The following CCDC88A variants were observed in gnomAD, a reference collection of about 807,000 sequenced individuals.
The protein encoded by CCDC88A is girdin.
A neutral mutation model predicts 234.3 loss-of-function variants in CCDC88A; 54 were observed. That is an observed-to-expected ratio of 0.23 (90% CI 0.19 to 0.29). The LOEUF (loss-of-function observed/expected upper bound fraction) is 0.29, where lower values mean the gene tolerates loss of function less well. CCDC88A is among the 10% of genes least tolerant of loss of function. The pLI is 1.00. For missense variants in CCDC88A, 1,832 were observed against 2,123.4 expected (o/e 0.86, Z 2.70); for synonymous variants, 753 against 737.8 (o/e 1.02, Z -0.33).
At chr2:55,340,838 C>T (rs1470716909) in intron 12 of CCDC88A, among the ~76,000 whole-genome samples, 1 of 152,052 alleles carries the variant, frequency 6.6e-6, no homozygotes, top group East Asian at 1.9e-4. Flanking sequence ...CTAAGAGTAG[C>T]ATTATTGTTA....
At chr2:55,364,183 T>C (rs917054810) in intron 5 of CCDC88A, 150 bp from the exon 6 acceptor site, 3 of 468,698 alleles carry the variant, frequency 6.4e-6, no homozygotes, top group Non-Finnish European at 1.1e-5. Flanking sequence ...CATACTTACC[T>C]AATAAACAAC....
chr2:55,405,952 G>A (rs1009604484), intron 2 of CCDC88A: 1 of 152,178 alleles, frequency 6.6e-6, no homozygotes, highest in African/African-American at 2.4e-5. Context: ...GAGGTCAGGA[G>A]ATCAAGACCA....
chr2:55,355,807 A>G (rs1490156328), intron 7 of CCDC88A, 56 bp from the exon 8 acceptor site: 2 of 1,356,770 alleles, frequency 1.5e-6, no homozygotes, highest in Non-Finnish European at 2.1e-6. Context: ...AACTAAACAC[A>G]TCAACATGAT....
At chr2:55,373,140 T>A (rs1461723415) in intron 4 of CCDC88A, among the ~76,000 whole-genome samples, 1 of 152,172 alleles carries the variant, frequency 6.6e-6, no homozygotes, top group Non-Finnish European at 1.5e-5. Context: ...AATATTCAAC[T>A]GGAAAAAAAT....
At position 55,374,801 on chromosome 2, in the gene CCDC88A, T is replaced by G; in HGVS notation, c.343+13A>C. 1 of 1,553,870 alleles carries G rather than the reference T, an allele frequency of 6.4e-7. No homozygotes were observed. The highest frequency in any genetic ancestry group is 1.1e-5 in the South Asian group (1 of 88,890). Reference sequence around the variant, plus strand: ...GTTAGACATTACTTTCACAGCTTAATTTTAATACTTACCAGAAAAGGGATT... The same window carrying G: ...GTTAGACATTACTTTCACAGCTTAAGTTTAATACTTACCAGAAAAGGGATT... On this transcript the variant is annotated intron_variant, in intron 4 of 32. Transcript: ENST00000436346.
chr2:55,377,619 A>C (rs1489112535), intron 3 of CCDC88A, among the ~76,000 whole-genome samples: 1 of 151,724 alleles, frequency 6.6e-6, no homozygotes, highest in East Asian at 1.9e-4. Context: ...ATTTTTATTT[A>C]TTTATTTAGA....
At chr2:55,318,596 T>C (rs562499991) in intron 19 of CCDC88A, among the ~76,000 whole-genome samples, 1 of 152,290 alleles carries the variant, frequency 6.6e-6, no homozygotes, top group Non-Finnish European at 1.5e-5. Flanking sequence ...TTTTTTACAA[T>C]CGACTTAATG....
chr2:55,292,061 C>G (rs1484400081), intron 31 of CCDC88A: 2 of 244,712 alleles, frequency 8.2e-6, no homozygotes, highest in Non-Finnish European at 1.6e-5. Context: ...ACTAAATGGT[C>G]ACCTACAGTC....
At chr2:55,384,652 T>C (rs201459005) in intron 3 of CCDC88A, among the ~76,000 whole-genome samples, 1 of 2,612 alleles carries the variant, frequency 3.8e-4, no homozygotes, top group Non-Finnish European at 1.1e-3. Flanking sequence ...TATATATACA[T>C]ATATATATAT....
At chr2:55,370,515 T>C (rs913431519) in intron 5 of CCDC88A, among the ~76,000 whole-genome samples, 3 of 151,376 alleles carry the variant, frequency 2.0e-5, no homozygotes, top group African/African-American at 7.3e-5. Flanking sequence ...GTAGCACACA[T>C]CTATCATCCC....
intron 8 of CCDC88A, among the ~76,000 whole-genome samples, chr2:55,351,982 T>C (rs891649295): frequency 6.6e-6 from 1 of 152,136 alleles, no homozygotes; most frequent in Non-Finnish European, 1.5e-5. Context: ...AAGGCACGTA[T>C]TGTATGATTC....
At chr2:55,306,872 G>A (rs771000269) in intron 25 of CCDC88A, among the ~76,000 whole-genome samples, 4 of 152,128 alleles carry the variant, frequency 2.6e-5, no homozygotes, top group Non-Finnish European at 5.9e-5. Context: ...CACCGCGCCT[G>A]GCCTATAGCC....
At chr2:55,308,701 AAG>A in intron 25 of CCDC88A, 106 bp downstream of exon 25, 2 of 754,238 alleles carry the variant, frequency 2.7e-6, no homozygotes, top group Non-Finnish European at 4.3e-6. Flanking sequence ...TTAAATTAAA[AAG>A]AAATGCCATT....
intron 7 of CCDC88A, among the ~76,000 whole-genome samples, chr2:55,359,884 A>C (rs1176876556): frequency 6.6e-6 from 1 of 151,308 alleles, no homozygotes; most frequent in Non-Finnish European, 1.5e-5. Context: ...TATTAATTCT[A>C]CTTGTAGAAC....
At chr2:55,404,303 T>A (rs1679195817) in intron 2 of CCDC88A, 1 of 152,178 alleles carries the variant, frequency 6.6e-6, no homozygotes, top group South Asian at 2.1e-4. Context: ...TTTTTTCCAA[T>A]CATCAATTTC....
rs1685339303 is a variant in CCDC88A, at chr2:55,335,263, G to C, written c.1657-99C>G. 4.2e-6 allele frequency: 3 copies of C among 721,920 alleles called. No homozygotes were observed. The South Asian group carries it at 8.7e-5, about 21-fold the overall frequency. The allele number at this position is 721,920 out of a possible 1,614,324, so 44.7% of individuals were successfully genotyped here. On this transcript the variant is annotated intron_variant, in intron 14 of 32. Transcript: ENST00000436346. The surrounding 1 kb of genome is among the most constrained non-coding windows in gnomAD (Gnocchi z 4.5). Reference sequence around the variant, plus strand: ...ACCAAGAAAAGGGGAACAAAAAAAGGGTGCTAGAACATGTCTTACTTTTAA... The same window carrying C: ...ACCAAGAAAAGGGGAACAAAAAAAGCGTGCTAGAACATGTCTTACTTTTAA...
At chr2:55,344,027 C>T (rs2589078) in intron 11 of CCDC88A, 40,374 of 408,240 alleles carry the variant, frequency 0.099, 2,965 homozygotes, top group East Asian at 0.31. Context: ...TCTTCATAGT[C>T]AACATACTGT....
At chr2:55,306,409 T>C (rs2104586665) in intron 25 of CCDC88A, among the ~76,000 whole-genome samples, 1 of 152,090 alleles carries the variant, frequency 6.6e-6, no homozygotes, top group Non-Finnish European at 1.5e-5. Flanking sequence ...TATGTGGGGA[T>C]ATAGAATTAT....
chr2:55,368,241 G>A (rs1360598979), intron 5 of CCDC88A, among the ~76,000 whole-genome samples: 1 of 152,060 alleles, frequency 6.6e-6, no homozygotes, highest in Non-Finnish European at 1.5e-5. Context: ...GGCCTTGGAT[G>A]GTTTTCTTCA....
Sources: allele counts gnomAD v4.1 joint callset (sites outside exome capture counted in the v4.1 genomes callset), GRCh38; gene constraint gnomAD v4.1.1; non-coding constraint Gnocchi (gnomAD v3.1); transcripts MANE v1.5; gene names NCBI Gene and HGNC (gene_info 2026-07-23, HGNC 2026-07-21).